Variants in SPATA16 observed in about 807,000 individuals in gnomAD.
SPATA16 encodes spermatogenesis-associated protein 16.
Under a neutral mutation model 63.3 loss-of-function variants are expected in SPATA16, and 36 were observed. The ratio of observed to expected loss-of-function variants is 0.57; its 90% CI spans 0.44 to 0.75. The LOEUF (loss-of-function observed/expected upper bound fraction) is 0.75, where lower values mean the gene tolerates loss of function less well. Among genes scored for constraint, SPATA16 ranks in the 30% least tolerant of loss-of-function variants. The pLI is 0.00. For missense variants in SPATA16, 646 were observed against 679.3 expected (o/e 0.95, Z 0.54); for synonymous variants, 203 against 216.7 (o/e 0.94, Z 0.56).
At chr3:172,962,253 CAA>C (rs71162320) in intron 5 of SPATA16, among the ~76,000 whole-genome samples, 3 of 47,704 alleles carry the variant, frequency 6.3e-5, no homozygotes, top group Admixed American at 3.0e-4. Context: ...GACTCTGTCT[CAA>C]AAAAAAAAAA....
rs1737936453 is a variant in SPATA16 at position 173,117,479 on chromosome 3, T to C, written c.253A>G (p.Lys85Glu). The change falls in exon 2 of 11, where the codon AAG (lysine) becomes GAG (glutamate). Residue 85 changes from lysine to glutamate, a missense_variant. Transcript: ENST00000351008. ...GTTGGCTTTTCTTCACCTTCTGCCT[T>C]CCGTTTAAAGGCTGCTTTCTCTAAA... ...NDLEKAAFKRKAEGEEKPTRK... is the reference protein window; with the variant it reads ...NDLEKAAFKREAEGEEKPTRK... 6.2e-7 allele frequency: 1 copy of C among 1,614,078 alleles called. No individual in the cohort carries two copies. The highest frequency in any genetic ancestry group is 1.3e-5 in the African/African-American group (1 of 74,946).
At chr3:172,927,918 T>C (rs1732778261) in intron 6 of SPATA16, among the ~76,000 whole-genome samples, 1 of 151,218 alleles carries the variant, frequency 6.6e-6, no homozygotes, top group African/African-American at 2.4e-5. Context: ...TTTTTTTTTC[T>C]TTTTTTTTGA....
At chr3:172,961,058 TCTTTCTTCTTTCTTC>T (rs1560080254) in intron 5 of SPATA16, among the ~76,000 whole-genome samples, 7 of 36,866 alleles carry the variant, frequency 1.9e-4, no homozygotes, top group Admixed American at 6.7e-4. Context: ...CTTCTTTCTT[TCTTTCTTCTTTCTTC>T]CTTCCTTCCT....
At chr3:173,028,015 C>CTTCT (rs1365507099) in intron 3 of SPATA16, among the ~76,000 whole-genome samples, 87 of 55,482 alleles carry the variant, frequency 1.6e-3, no homozygotes, top group African/African-American at 7.4e-3. Flanking sequence ...CCCTCCCTCC[C>CTTCT]TTCCTTCTTT....
At position 173,111,335 on chromosome 3, in the gene SPATA16, A is replaced by G. The variant is rs371898511; in HGVS notation, c.612+5785T>C. On this transcript the variant is annotated intron_variant, in intron 2 of 10. Transcript: ENST00000351008. ...TGAGGCAGGAGAATCACTTGAACCCAGGAGGCAGAGCTTACAGTGAGCCGA... is the reference window on the plus strand; with the variant it reads ...TGAGGCAGGAGAATCACTTGAACCCGGGAGGCAGAGCTTACAGTGAGCCGA... Among the ~76,000 whole-genome samples, 10 of 152,108 alleles carry G rather than the reference A, an allele frequency of 6.6e-5. No individual in the cohort carries two copies. In the East Asian group the frequency reaches 9.7e-4, roughly 15 times the overall value.
intron 4 of SPATA16, among the ~76,000 whole-genome samples, chr3:172,979,899 G>T (rs1734258555): frequency 6.6e-6 from 1 of 152,202 alleles, no homozygotes; most frequent in Non-Finnish European, 1.5e-5. Flanking sequence ...TATTAGCTGA[G>T]ATATATTTCA....
At chr3:173,020,636 T>A (rs1407925423) in intron 3 of SPATA16, among the ~76,000 whole-genome samples, 8 of 152,192 alleles carry the variant, frequency 5.3e-5, no homozygotes, top group Non-Finnish European at 1.2e-4. Flanking sequence ...GGGTAGACCT[T>A]TCTCTTCCTT....
intron 10 of SPATA16, among the ~76,000 whole-genome samples, chr3:172,902,437 T>C (rs185616889): frequency 6.6e-6 from 1 of 152,196 alleles, no homozygotes; most frequent in Non-Finnish European, 1.5e-5. Flanking sequence ...CATAGGTTTT[T>C]AAAAAATGAT....
At chr3:173,107,277 A>G (rs1262336549) in intron 2 of SPATA16, among the ~76,000 whole-genome samples, 3 of 152,142 alleles carry the variant, frequency 2.0e-5, no homozygotes, top group Non-Finnish European at 2.9e-5. Context: ...ATAGGTGAAT[A>G]TCATCACTAT....
At chr3:173,078,901 G>T (rs1162557251) in intron 2 of SPATA16, among the ~76,000 whole-genome samples, 2 of 152,090 alleles carry the variant, frequency 1.3e-5, no homozygotes, top group Non-Finnish European at 2.9e-5. Flanking sequence ...TGGTAATGAG[G>T]AATAGAAGAA....
intron 2 of SPATA16, among the ~76,000 whole-genome samples, chr3:173,066,375 T>C (rs989574719): frequency 6.6e-6 from 1 of 152,176 alleles, no homozygotes; most frequent in Non-Finnish European, 1.5e-5. Flanking sequence ...TCTGCAAGAC[T>C]TCAGATGTGA....
chr3:172,999,328 GAA>G (rs1285898907), intron 4 of SPATA16, among the ~76,000 whole-genome samples: 1 of 152,184 alleles, frequency 6.6e-6, no homozygotes, highest in Non-Finnish European at 1.5e-5. Context: ...TGGACATAGA[GAA>G]GTTAATAATA....
chr3:172,930,968 G>A (rs888089549), intron 6 of SPATA16, among the ~76,000 whole-genome samples: 28 of 152,000 alleles, frequency 1.8e-4, no homozygotes, highest in East Asian at 1.4e-3. Flanking sequence ...GATTACAGGC[G>A]CCTGCCACCG....
chr3:172,960,890 TC>T (rs199803744), intron 5 of SPATA16, among the ~76,000 whole-genome samples: 40 of 147,696 alleles, frequency 2.7e-4, no homozygotes, highest in South Asian at 1.7e-3. Context: ...TCTTTCTCTC[TC>T]TCCTTCCTTC....
At chr3:172,997,046 T>G (rs190745814) in intron 4 of SPATA16, among the ~76,000 whole-genome samples, 30 of 152,282 alleles carry the variant, frequency 2.0e-4, no homozygotes, top group Admixed American at 1.8e-3. Context: ...GAAGAACATC[T>G]TGGTTGCACT....
At chr3:172,935,153 T>C (rs1190212099) in intron 6 of SPATA16, among the ~76,000 whole-genome samples, 1 of 152,138 alleles carries the variant, frequency 6.6e-6, no homozygotes, top group Non-Finnish European at 1.5e-5. Context: ...AGAAAATATA[T>C]AAAACTCAAT....
intron 4 of SPATA16, among the ~76,000 whole-genome samples, chr3:172,984,579 T>C (rs1734399012): frequency 6.6e-6 from 1 of 152,172 alleles, no homozygotes; most frequent in East Asian, 1.9e-4. Flanking sequence ...CTATGCCTAA[T>C]TGCCTGATTC....
At chr3:173,063,678 G>A (rs1434347255) in intron 2 of SPATA16, among the ~76,000 whole-genome samples, 3 of 152,114 alleles carry the variant, frequency 2.0e-5, no homozygotes, top group African/African-American at 7.2e-5. Context: ...ATAAACTGCA[G>A]ATTTACTACA....
chr3:173,118,106 A>G (rs1440436618), intron 1 of SPATA16, among the ~76,000 whole-genome samples: 1 of 152,214 alleles, frequency 6.6e-6, no homozygotes, highest in Non-Finnish European at 1.5e-5. Context: ...ATCTATCTCA[A>G]TATTAATTTC....
Sources: allele counts gnomAD v4.1 joint callset (sites outside exome capture counted in the v4.1 genomes callset), GRCh38; gene constraint gnomAD v4.1.1; transcripts MANE v1.5; gene names NCBI Gene and HGNC (gene_info 2026-07-23, HGNC 2026-07-21).